The following LRP1B variants were observed in gnomAD, a reference collection of about 807,000 sequenced individuals.
The protein encoded by LRP1B is low-density lipoprotein receptor-related protein 1B.
In LRP1B, 217 loss-of-function variants were observed where a neutral mutation model predicts 556.6. That is an observed-to-expected ratio of 0.39 (90% confidence interval 0.35 to 0.44). The LOEUF (loss-of-function observed/expected upper bound fraction) is 0.44, where lower values mean the gene tolerates loss of function less well. LRP1B is among the 20% of genes least tolerant of loss of function. The pLI is 1.00. For synonymous variants in LRP1B, 2,047 were observed against 1,865.8 expected (o/e 1.10, Z -2.50); for missense variants, 5,053 against 5,620.8 (o/e 0.90, Z 3.23).
chr2:141,871,624 T>G (rs148472038), intron 1 of LRP1B, among the ~76,000 whole-genome samples: 4 of 152,154 alleles, frequency 2.6e-5, no homozygotes, highest in African/African-American at 9.6e-5. Context: ...GTTTGGCACA[T>G]AAGTGGTTCT....
chr2:140,343,793 T>C (rs1230726606), intron 77 of LRP1B, among the ~76,000 whole-genome samples: 1 of 151,682 alleles, frequency 6.6e-6, no homozygotes, highest in African/African-American at 2.4e-5. Context: ...TGGATGAATC[T>C]CACAATCATT....
At chr2:140,533,466 A>T (rs914930269) in intron 47 of LRP1B, among the ~76,000 whole-genome samples, 2 of 152,128 alleles carry the variant, frequency 1.3e-5, no homozygotes, top group East Asian at 3.9e-4. Flanking sequence ...AATGTTAAAC[A>T]GTATTAGCAT....
At chr2:140,296,701 A>C (rs1455260943) in intron 84 of LRP1B, among the ~76,000 whole-genome samples, 1 of 152,162 alleles carries the variant, frequency 6.6e-6, no homozygotes, top group Non-Finnish European at 1.5e-5. Context: ...AGAAGGATGA[A>C]ATGATTAACT....
At chr2:141,490,693 A>G (rs904677386) in intron 2 of LRP1B, among the ~76,000 whole-genome samples, 2 of 152,268 alleles carry the variant, frequency 1.3e-5, no homozygotes, top group African/African-American at 4.8e-5. Context: ...TCACTGTTTT[A>G]TAAGTAATTG....
intron 86 of LRP1B, among the ~76,000 whole-genome samples, chr2:140,268,278 C>G (rs1210714249): frequency 6.6e-6 from 1 of 151,922 alleles, no homozygotes; most frequent in Non-Finnish European, 1.5e-5. Flanking sequence ...CAAGTTCAAG[C>G]CCTCATCACT....
rs2105021171 is a variant in LRP1B at position 140,541,954 on chromosome 2, C to T, written c.7212G>A (p.Gly2404=). 2 of 1,602,956 alleles carry T rather than the reference C, an allele frequency of 1.2e-6. No individual in the cohort carries two copies. Among genetic ancestry groups the T allele is most frequent in the Non-Finnish European group, 1.7e-6 (2 of 1,173,016 alleles). The part of the protein sequence containing the change: ...GSQRHVIVKS[G]PGTFLSLAVY... ...CAGCCAAACTGAGGAAAGTCCCTGG[C>T]CCAGATTTAACTATCACCTGAAATA... The change falls in exon 44 of 91, where the codon GGG becomes GGA. Residue 2404 remains glycine (G), a synonymous_variant. Transcript: ENST00000389484.
At chr2:140,364,564 G>T (rs2105150716) in intron 72 of LRP1B, 97 bp downstream of exon 72, 2 of 1,400,146 alleles carry the variant, frequency 1.4e-6, no homozygotes, top group Non-Finnish European at 2.0e-6. Flanking sequence ...CCCCAGGATG[G>T]TATAATTGGT....
chr2:142,037,985 A>G (rs770913368), intron 1 of LRP1B, among the ~76,000 whole-genome samples: 5 of 151,560 alleles, frequency 3.3e-5, no homozygotes, highest in Non-Finnish European at 7.4e-5. Context: ...CAGCTATTCC[A>G]TATCTGGAGT....
intron 2 of LRP1B, among the ~76,000 whole-genome samples, chr2:141,727,700 A>T (rs375161360): frequency 6.6e-6 from 1 of 152,276 alleles, no homozygotes; most frequent in East Asian, 1.9e-4. Flanking sequence ...ATATTCATAT[A>T]TCTTTAAGCA....
intron 86 of LRP1B, 67 bp from the exon 87 acceptor site, chr2:140,247,229 A>G (rs1270550485): frequency 9.1e-7 from 1 of 1,099,360 alleles, no homozygotes; most frequent in Non-Finnish European, 1.4e-6. Context: ...CAGCTAATGT[A>G]GTAACTTTAA....
At chr2:141,258,378 C>T (rs752073464) in intron 3 of LRP1B, among the ~76,000 whole-genome samples, 4 of 151,928 alleles carry the variant, frequency 2.6e-5, no homozygotes, top group Non-Finnish European at 5.9e-5. Context: ...CCCAGCTACT[C>T]GGGAGGTTGA....
At chr2:140,765,845 A>G (rs1689084519) in intron 35 of LRP1B, among the ~76,000 whole-genome samples, 1 of 152,140 alleles carries the variant, frequency 6.6e-6, no homozygotes, top group Non-Finnish European at 1.5e-5. Context: ...TACTTTGCCA[A>G]TGATTCTCTT....
At chr2:140,474,571 G>T (rs929174599) in intron 60 of LRP1B, among the ~76,000 whole-genome samples, 7 of 151,832 alleles carry the variant, frequency 4.6e-5, no homozygotes, top group Non-Finnish European at 4.4e-5. Context: ...TACCTAAAAC[G>T]TTTTGATGTA....
At chr2:140,760,490 TGCTCCCTA>T in intron 35 of LRP1B, among the ~76,000 whole-genome samples, 1 of 152,356 alleles carries the variant, frequency 6.6e-6, no homozygotes, top group Non-Finnish European at 1.5e-5. Flanking sequence ...AGGGCTACCT[TGCTCCCTA>T]GCTTGGCCTT....
chr2:141,983,153 G>C (rs1255128096), intron 1 of LRP1B, among the ~76,000 whole-genome samples: 1 of 147,888 alleles, frequency 6.8e-6, no homozygotes, highest in Non-Finnish European at 1.5e-5. Context: ...TTGAGGCATG[G>C]TATAGTAAAA....
intron 3 of LRP1B, among the ~76,000 whole-genome samples, chr2:141,469,835 T>C (rs1039983057): frequency 6.6e-6 from 1 of 152,170 alleles, no homozygotes; most frequent in African/African-American, 2.4e-5. Context: ...GGGCTGAGGT[T>C]TGAGTTAGCC....
intron 11 of LRP1B, among the ~76,000 whole-genome samples, chr2:141,041,110 C>A (rs570702652): frequency 2.0e-5 from 3 of 151,986 alleles, no homozygotes; most frequent in Middle Eastern, 3.4e-3. Context: ...TAATTTTGAA[C>A]GAGATCCAAG....
intron 1 of LRP1B, among the ~76,000 whole-genome samples, chr2:141,879,853 C>A (rs1316518677): frequency 2.0e-5 from 3 of 151,948 alleles, no homozygotes; most frequent in Non-Finnish European, 4.4e-5. Context: ...ACTTTATACT[C>A]CATTCTGCTT....
chr2:142,082,562 C>T (rs1031295536), intron 1 of LRP1B, among the ~76,000 whole-genome samples: 10 of 152,106 alleles, frequency 6.6e-5, no homozygotes, highest in Admixed American at 2.0e-4. Context: ...GACTCGTGTC[C>T]CAGGTGGCGC....
Sources: gnomAD v4.1 joint callset for allele counts (sites outside exome capture counted in the v4.1 genomes callset) on GRCh38, gnomAD v4.1.1 for gene constraint, MANE v1.5 for transcripts, NCBI Gene and HGNC (gene_info 2026-07-23, HGNC 2026-07-21) for gene names.